The following COL5A2 variants were observed in gnomAD, a reference collection of about 807,000 sequenced individuals.
The protein encoded by COL5A2 is collagen alpha-2(V) chain.
In COL5A2, 23 loss-of-function variants were observed where a neutral mutation model predicts 208.2. That is an observed-to-expected ratio of 0.11 (90% CI 0.08 to 0.16). The LOEUF (loss-of-function observed/expected upper bound fraction) is 0.16. Ranked by LOEUF, COL5A2 falls within the 10% of genes least tolerant of loss-of-function variation. The probability of loss-of-function intolerance (pLI) is 1.00; values close to 1 mark genes in which losing one functional copy is unlikely to be tolerated. For synonymous variants in COL5A2, 625 were observed against 628.5 expected (o/e 0.99, Z 0.08); for missense variants, 1,590 against 1,956.4 (o/e 0.81, Z 3.53).
chr2:189,240,004 T>C, the COL5A2 span, among the ~76,000 whole-genome samples: 1 of 152,104 alleles, frequency 6.6e-6, no homozygotes, highest in South Asian at 2.1e-4. Context: ...AGATTTGTGG[T>C]CATTTGTTAT....
At chr2:189,100,395 C>T (rs1466164241) in intron 3 of COL5A2, among the ~76,000 whole-genome samples, 1 of 151,924 alleles carries the variant, frequency 6.6e-6, no homozygotes, top group African/African-American at 2.4e-5. Flanking sequence ...TCAGTTTCCA[C>T]ATAGATCAAA....
intron 1 of COL5A2, among the ~76,000 whole-genome samples, chr2:189,116,238 GCC>G (rs1687386905): frequency 6.6e-6 from 1 of 152,132 alleles, no homozygotes; most frequent in Non-Finnish European, 1.5e-5. Context: ...TAATAAAGCC[GCC>G]CACGTGTCAG....
chr2:189,329,359 C>T, the COL5A2 span, among the ~76,000 whole-genome samples: 3 of 152,084 alleles, frequency 2.0e-5, no homozygotes, highest in African/African-American at 7.2e-5. Flanking sequence ...ACAAAGGGCA[C>T]AAAGTTTCAG....
intron 7 of COL5A2, 135 bp from the exon 8 acceptor site, chr2:189,088,907 T>A: frequency 1.3e-6 from 1 of 768,396 alleles, no homozygotes; most frequent in Non-Finnish European, 2.3e-6. Flanking sequence ...TGCTTGACTT[T>A]AAAGCCTGGA....
At chr2:189,052,867 A>G (rs772329687) in intron 39 of COL5A2, 44 bp downstream of exon 39, 2 of 1,609,982 alleles carry the variant, frequency 1.2e-6, no homozygotes, top group East Asian at 2.2e-5. Context: ...CACTCCAAAC[A>G]TGGGGCACTT....
At chr2:189,331,840 C>T in the COL5A2 span, among the ~76,000 whole-genome samples, 2 of 151,806 alleles carry the variant, frequency 1.3e-5, no homozygotes, top group Admixed American at 6.6e-5. Context: ...GTCCCAGCTA[C>T]TCGGGAGGCC....
chr2:189,035,130 G>A lies in COL5A2; in HGVS notation c.4139C>T (p.Pro1380Leu). 6.2e-7 allele frequency: 1 copy of A among 1,613,854 alleles called. No individual in the cohort carries two copies. Among genetic ancestry groups the A allele is most frequent in the Non-Finnish European group, 8.5e-7 (1 of 1,179,858 alleles). ...SQFAYGDHQS[P>L]NTAITQMTFL... The stretch of plus-strand genomic sequence containing the variant: ...AGTCATCTGAGTAATGGCTGTATTA[G>A]GTGATTGGTGGTCTCCATAAGCGAA... The change falls in exon 53 of 54, where the codon CCT (proline) becomes CTT (leucine). Residue 1380 changes from proline (P) to leucine (L), a missense_variant. Physicochemically the swap from Pro to Leu is moderately conservative, Grantham distance 98. Coordinates refer to ENST00000374866, the MANE Select transcript of COL5A2 (RefSeq NM_000393.5).
At chr2:189,125,788 G>T (rs1687596779) in intron 1 of COL5A2, among the ~76,000 whole-genome samples, 1 of 152,044 alleles carries the variant, frequency 6.6e-6, no homozygotes, top group African/African-American at 2.4e-5. Flanking sequence ...GTTGAAAGTT[G>T]TATGTGGATT....
intron 3 of COL5A2, among the ~76,000 whole-genome samples, chr2:189,103,674 C>A (rs1449618400): frequency 6.6e-6 from 1 of 152,022 alleles, no homozygotes; most frequent in South Asian, 2.1e-4. Context: ...TGCAGCCTAC[C>A]CTGTTTTCAA....
At chr2:189,440,680 A>G in the COL5A2 span, among the ~76,000 whole-genome samples, 2 of 152,210 alleles carry the variant, frequency 1.3e-5, no homozygotes, top group Non-Finnish European at 2.9e-5. Flanking sequence ...GTGTAAGTTT[A>G]CAAAGGAAAA....
the COL5A2 span, among the ~76,000 whole-genome samples, chr2:189,336,980 G>A: frequency 1.2e-3 from 183 of 152,088 alleles, 2 homozygotes; most frequent in East Asian, 0.013. Context: ...AAAGTCTTAG[G>A]AACTATTTTT....
intron 1 of COL5A2, among the ~76,000 whole-genome samples, chr2:189,211,731 G>T (rs1689215442): frequency 6.6e-6 from 1 of 152,076 alleles, no homozygotes; most frequent in Admixed American, 6.6e-5. Context: ...AAAATACTCA[G>T]GGGGGAGGGA....
Position 189,092,414 on chromosome 2 carries a change from G to C in COL5A2, c.463C>G (p.Arg155Gly). ...ERGPKGRPGPRGPQGIDGEPG... is the reference protein window; with the variant it reads ...ERGPKGRPGPGGPQGIDGEPG... ...TCTCCATCAATTCCCTGAGGTCCAC[G>C]AGGGCCCTGGAAAACAAGCCAGTTA... is the stretch of plus-strand genomic sequence containing the variant. The change falls in exon 7 of 54, where the codon CGT becomes GGT. Residue 155 changes from arginine (R) to glycine (G), a missense_variant. Coordinates refer to ENST00000374866, the MANE Select transcript of COL5A2 (RefSeq NM_000393.5). The C allele has an allele frequency of 6.3e-7, 1 of 1,588,194 alleles. No homozygotes were observed. The highest frequency in any genetic ancestry group is 8.6e-7 in the Non-Finnish European group (1 of 1,164,718).
the COL5A2 span, among the ~76,000 whole-genome samples, chr2:189,375,048 G>A: frequency 0.036 from 5,263 of 147,642 alleles, 112 homozygotes; most frequent in Admixed American, 0.051. Flanking sequence ...ATGGAGTCTC[G>A]CTCTGTCACC....
chr2:189,090,268 T>C (rs1686755516), intron 7 of COL5A2, among the ~76,000 whole-genome samples: 2 of 152,164 alleles, frequency 1.3e-5, no homozygotes, highest in African/African-American at 4.8e-5. Context: ...AAATCGAATC[T>C]AGAGCAAGGC....
chr2:189,061,591 G>T lies in COL5A2; in HGVS notation c.2002C>A (p.Gln668Lys), dbSNP rs144652675. 70 of 1,613,060 alleles carry T rather than the reference G, an allele frequency of 4.3e-5. No individual in the cohort carries two copies. Among genetic ancestry groups the T allele is most frequent in the Non-Finnish European group, 5.6e-5 (66 of 1,179,428 alleles). ...AAACCTGTGGGGCCTGGAGGTCCTTGTTCTCCTCTTTCACCAGCTAGACCC... is the reference window on the plus strand; with the variant it reads ...AAACCTGTGGGGCCTGGAGGTCCTTTTTCTCCTCTTTCACCAGCTAGACCC... ...PPGLAGERGE[Q>K]GPPGPTGFQG... Residue 668 changes from glutamine (Q) to lysine (K), a missense_variant, in exon 30 of 54, where the codon CAA becomes AAA. Coordinates refer to ENST00000374866, the MANE Select transcript of COL5A2 (RefSeq NM_000393.5).
rs570235342 is a variant in COL5A2, at chr2:189,171,749, G to C, written c.97+7759C>G. 2.6e-5 allele frequency among the ~76,000 whole-genome samples: 4 copies of C among 152,270 alleles called. No individual in the cohort carries two copies. The Middle Eastern group carries it at 0.01, about 388-fold the overall frequency. Reference sequence around the variant, plus strand: ...TATCTAAAGTTCATGTGAAAGATTGGGGTTGAAGAGATGTTATAATTATCA... The same window carrying C: ...TATCTAAAGTTCATGTGAAAGATTGCGGTTGAAGAGATGTTATAATTATCA... On this transcript the variant is annotated intron_variant, in intron 1 of 53. Transcript: ENST00000374866.
chr2:189,282,046 G>A, the COL5A2 span, among the ~76,000 whole-genome samples: 8 of 152,050 alleles, frequency 5.3e-5, no homozygotes, highest in South Asian at 2.1e-4. Context: ...TTAGCCAGGC[G>A]TAGTGGTGGG....
At chr2:189,376,011 T>C in the COL5A2 span, among the ~76,000 whole-genome samples, 1 of 152,198 alleles carries the variant, frequency 6.6e-6, no homozygotes, top group Non-Finnish European at 1.5e-5. Context: ...CATGGTGACT[T>C]AGAATGTTAA....
Sources: gnomAD v4.1 joint callset for allele counts (sites outside exome capture counted in the v4.1 genomes callset) on GRCh38, gnomAD v4.1.1 for gene constraint, MANE v1.5 for transcripts, NCBI Gene and HGNC (gene_info 2026-07-23, HGNC 2026-07-21) for gene names.